Variants in PCDH15 observed in about 807,000 individuals in gnomAD.
The protein encoded by PCDH15 is protocadherin-15.
In PCDH15, 129 loss-of-function variants were observed where a neutral mutation model predicts 178.5. The observed-to-expected ratio is 0.72, with a 90% CI of 0.63 to 0.84. The LOEUF is 0.84. PCDH15 is among the 40% of genes least tolerant of loss of function. The probability of loss-of-function intolerance (pLI) is 0.00; values close to 1 mark genes in which losing one functional copy is unlikely to be tolerated. For synonymous variants in PCDH15, 800 were observed against 732.0 expected (o/e 1.09, Z -1.50); for missense variants, 2,230 against 2,099.9 (o/e 1.06, Z -1.21).
chr10:53,928,325 AT>A (rs1349439122), intron 25 of PCDH15, among the ~76,000 whole-genome samples: 1 of 152,042 alleles, frequency 6.6e-6, no homozygotes, highest in Non-Finnish European at 1.5e-5. Context: ...GAAAATAAAT[AT>A]TTTACTAACA....
At chr10:55,105,728 A>AC (rs1238374002) in intron 2 of PCDH15, among the ~76,000 whole-genome samples, 1 of 152,158 alleles carries the variant, frequency 6.6e-6, no homozygotes, top group Non-Finnish European at 1.5e-5. Context: ...GCTCTCCTAA[A>AC]CAGAAGAGTG....
chr10:55,242,398 T>C (rs1336759436), intron 1 of PCDH15, among the ~76,000 whole-genome samples: 1 of 152,140 alleles, frequency 6.6e-6, no homozygotes, highest in East Asian at 1.9e-4. Context: ...GCTTTGCTTG[T>C]AAATTTATAT....
chr10:53,811,549 C>A lies in PCDH15; in HGVS notation c.4562G>T (p.Gly1521Val), dbSNP rs2075865365. Residue 1521 changes from glycine (G) to valine (V), a missense_variant and splice_region_variant, in exon 36 of 38, where the codon GGG becomes GTG. Coordinates refer to ENST00000644397, the MANE Select transcript of PCDH15 (RefSeq NM_001384140.1). ...GAATTTTAAAAATCTGAAGATGTAC[C>A]CATGCTCATAACTGTAATAATCTTG... ...YGQDYYSYEH[G>V]YEMPQYGSRR... The A allele has an allele frequency of 3.9e-6, 6 of 1,528,124 alleles. No homozygotes were observed. Among genetic ancestry groups the A allele is most frequent in the Non-Finnish European group, 5.3e-6 (6 of 1,130,296 alleles). The allele number at this position is 1,528,124 out of a possible 1,614,324, so 94.7% of individuals were successfully genotyped here.
rs556398556 is a variant in PCDH15 at position 55,248,476 on chromosome 10, G to A, written c.-156+71123C>T. 1.2e-4 allele frequency among the ~76,000 whole-genome samples: 18 copies of A among 152,058 alleles called. No individual in the cohort carries two copies. In the South Asian group the frequency reaches 3.1e-3, roughly 26 times the overall value. On this transcript the variant is annotated intron_variant, in intron 1 of 5. Coordinates refer to the PCDH15 transcript ENST00000458638. ...CAATTCATCTGTAATGTATTTTGGGGCCTATTATGAGATAAAGGCCAAGAT... is the reference window on the plus strand; with the variant it reads ...CAATTCATCTGTAATGTATTTTGGGACCTATTATGAGATAAAGGCCAAGAT...
At chr10:55,055,661 G>T (rs929602650) in intron 2 of PCDH15, among the ~76,000 whole-genome samples, 6 of 152,160 alleles carry the variant, frequency 3.9e-5, no homozygotes, top group Admixed American at 3.9e-4. Flanking sequence ...AAATTAGCCA[G>T]GTGCAGTGGC....
At chr10:55,435,029 T>A (rs900947425) in intron 2 of PCDH15, among the ~76,000 whole-genome samples, 2 of 152,198 alleles carry the variant, frequency 1.3e-5, no homozygotes, top group African/African-American at 4.8e-5. Context: ...TGGTAAATTA[T>A]AATGAGGGAA....
At chr10:54,162,353 G>A (rs1392148837) in intron 13 of PCDH15, among the ~76,000 whole-genome samples, 4 of 152,082 alleles carry the variant, frequency 2.6e-5, no homozygotes, top group Admixed American at 6.6e-5. Flanking sequence ...TGAATGGACA[G>A]GTATGAAAGC....
At chr10:55,538,412 TCCTCCCTCCCTC>T (rs1181936556) in intron 2 of PCDH15, among the ~76,000 whole-genome samples, 1 of 107,390 alleles carries the variant, frequency 9.3e-6, no homozygotes, top group Non-Finnish European at 1.9e-5. Flanking sequence ...CTTCCTTCCT[TCCTCCCTCCCTC>T]CCTTCCTTCC....
chr10:54,900,181 A>T (rs1027957582), intron 2 of PCDH15, among the ~76,000 whole-genome samples: 18 of 152,234 alleles, frequency 1.2e-4, no homozygotes, highest in Admixed American at 6.5e-4. Flanking sequence ...GGAATATATC[A>T]GTAAACACAT....
At chr10:55,140,565 T>C (rs989708605) in intron 2 of PCDH15, among the ~76,000 whole-genome samples, 1 of 152,002 alleles carries the variant, frequency 6.6e-6, no homozygotes, top group South Asian at 2.1e-4. Flanking sequence ...TAAGAAGTTT[T>C]ATTATTTTTT....
At chr10:54,485,256 T>A (rs2079019567) in intron 3 of PCDH15, among the ~76,000 whole-genome samples, 1 of 151,872 alleles carries the variant, frequency 6.6e-6, no homozygotes, top group Non-Finnish European at 1.5e-5. Context: ...CCAGAAACTT[T>A]CATTTTACCC....
intron 2 of PCDH15, among the ~76,000 whole-genome samples, chr10:55,428,964 T>C (rs1838821132): frequency 6.6e-6 from 1 of 152,152 alleles, no homozygotes; most frequent in Non-Finnish European, 1.5e-5. Flanking sequence ...ATTCTACCAC[T>C]TTACAATGAA....
At chr10:55,278,837 A>T (rs1842658735) in intron 1 of PCDH15, among the ~76,000 whole-genome samples, 1 of 152,144 alleles carries the variant, frequency 6.6e-6, no homozygotes, top group Non-Finnish European at 1.5e-5. Flanking sequence ...CTCAGACAGG[A>T]TTCTGTAATT....
chr10:55,505,719 G>A (rs571169776), intron 2 of PCDH15, among the ~76,000 whole-genome samples: 1 of 151,442 alleles, frequency 6.6e-6, no homozygotes, highest in Non-Finnish European at 1.5e-5. Context: ...TCATCAGCAA[G>A]ACTAGCACAA....
intron 3 of PCDH15, among the ~76,000 whole-genome samples, chr10:54,407,577 G>T (rs891614562): frequency 1.2e-4 from 18 of 151,778 alleles, no homozygotes; most frequent in African/African-American, 4.1e-4. Flanking sequence ...CTGAAATATT[G>T]GTTCCTTGTA....
chr10:54,518,771 T>C (rs112731133), intron 3 of PCDH15, among the ~76,000 whole-genome samples: 2 of 152,290 alleles, frequency 1.3e-5, no homozygotes, highest in Admixed American at 1.3e-4. Flanking sequence ...AAGAGAATTT[T>C]AGACCAATAT....
intron 2 of PCDH15, among the ~76,000 whole-genome samples, chr10:55,418,877 T>C (rs754214143): frequency 5.9e-5 from 9 of 151,904 alleles, no homozygotes; most frequent in Non-Finnish European, 4.4e-5. Context: ...GAAGTTATTA[T>C]AAAGTTTAGC....
intron 20 of PCDH15, among the ~76,000 whole-genome samples, chr10:54,007,739 T>C (rs955418203): frequency 6.6e-6 from 1 of 152,164 alleles, no homozygotes; most frequent in African/African-American, 2.4e-5. Context: ...GACTAGGCAT[T>C]AAACACTTCA....
intron 3 of PCDH15, among the ~76,000 whole-genome samples, chr10:54,888,924 TA>T (rs1235945999): frequency 2.0e-5 from 3 of 151,906 alleles, no homozygotes; most frequent in Non-Finnish European, 4.4e-5. Flanking sequence ...TGAATTCTTT[TA>T]ATTGTATTGT....
Sources: gnomAD v4.1 joint callset for allele counts (sites outside exome capture counted in the v4.1 genomes callset) on GRCh38, gnomAD v4.1.1 for gene constraint, MANE v1.5 for transcripts, NCBI Gene and HGNC (gene_info 2026-07-23, HGNC 2026-07-21) for gene names.